IQCM: variants seen among roughly 807,000 people sequenced by gnomAD.
IQCM encodes the protein IQ domain-containing protein M.
In IQCM, 45 loss-of-function variants were observed where a neutral mutation model predicts 57.6. The ratio of observed to expected loss-of-function variants is 0.78; its 90% CI spans 0.62 to 1.00. IQCM has a LOEUF of 1.00. IQCM is among the 50% of genes least tolerant of loss of function. IQCM has a pLI of 0.00. For missense variants in IQCM, 468 were observed against 511.6 expected, an observed-to-expected ratio of 0.91 and a Z score of 0.82; for synonymous variants, 148 against 158.9, an observed-to-expected ratio of 0.93 and a Z score of 0.51.
chr4:149,573,232 G>A (rs1751331181), intron 9 of IQCM, among the ~76,000 whole-genome samples: 1 of 150,790 alleles, frequency 6.6e-6, no homozygotes, highest in African/African-American at 2.4e-5. Context: ...TTTTAAAAAT[G>A]TATATATTTA....
intron 5 of IQCM, among the ~76,000 whole-genome samples, chr4:149,716,742 T>TA (rs1030575053): frequency 1.3e-5 from 2 of 152,190 alleles, no homozygotes; most frequent in African/African-American, 4.8e-5. Flanking sequence ...CCCAGTTTGG[T>TA]AAATGACAAC....
chr4:149,753,162 A>T (rs779747826), intron 2 of IQCM, among the ~76,000 whole-genome samples: 1 of 152,204 alleles, frequency 6.6e-6, no homozygotes, highest in Non-Finnish European at 1.5e-5. Context: ...ATTATTTAAC[A>T]TATGTCCAAA....
At chr4:149,380,012 G>GT (rs1275851146) in intron 13 of IQCM, among the ~76,000 whole-genome samples, 11 of 152,162 alleles carry the variant, frequency 7.2e-5, no homozygotes, top group East Asian at 3.9e-4. Flanking sequence ...CTTTCGCTTG[G>GT]TTTTCATTCT....
intron 9 of IQCM, among the ~76,000 whole-genome samples, chr4:149,580,941 G>A (rs1752120575): frequency 1.3e-5 from 2 of 151,626 alleles, no homozygotes; most frequent in African/African-American, 4.8e-5. Flanking sequence ...CTATTCTAAT[G>A]TTGAAGATAC....
intron 12 of IQCM, among the ~76,000 whole-genome samples, chr4:149,518,663 G>A (rs1392837746): frequency 2.0e-5 from 3 of 152,182 alleles, no homozygotes; most frequent in Non-Finnish European, 2.9e-5. Flanking sequence ...TAATTCAATG[G>A]TGTGAAACAA....
chr4:149,516,612 T>C (rs909326731), intron 12 of IQCM, among the ~76,000 whole-genome samples: 3 of 152,162 alleles, frequency 2.0e-5, no homozygotes, highest in Non-Finnish European at 4.4e-5. Flanking sequence ...GTGTTCAATA[T>C]ATGGCACTGT....
chr4:149,400,883 A>C (rs1292441591), intron 13 of IQCM, among the ~76,000 whole-genome samples: 1 of 151,914 alleles, frequency 6.6e-6, no homozygotes, highest in Non-Finnish European at 1.5e-5. Flanking sequence ...GTATAGACTA[A>C]TTCTTATGAC....
At chr4:149,585,504 TCA>T (rs1752572161) in intron 9 of IQCM, among the ~76,000 whole-genome samples, 1 of 151,720 alleles carries the variant, frequency 6.6e-6, no homozygotes, top group African/African-American at 2.4e-5. Context: ...ATATAAAATC[TCA>T]CATATATACA....
chr4:149,602,634 A>G (rs534916856), intron 8 of IQCM, among the ~76,000 whole-genome samples: 1 of 152,166 alleles, frequency 6.6e-6, no homozygotes, highest in Admixed American at 6.5e-5. Context: ...TCATTTATGT[A>G]ATATTTCATG....
chr4:149,550,703 A>T (rs912355952), intron 11 of IQCM, among the ~76,000 whole-genome samples: 11 of 152,190 alleles, frequency 7.2e-5, no homozygotes, highest in African/African-American at 2.7e-4. Flanking sequence ...AAGATGCTTA[A>T]AAAGTGTATA....
At chr4:149,669,291 T>C (rs550954720) in intron 7 of IQCM, among the ~76,000 whole-genome samples, 1 of 152,302 alleles carries the variant, frequency 6.6e-6, no homozygotes, top group East Asian at 1.9e-4. Context: ...TCGAGAAGTG[T>C]CTATTCATAT....
At chr4:149,662,740 T>C (rs1273565889) in intron 7 of IQCM, among the ~76,000 whole-genome samples, 3 of 152,030 alleles carry the variant, frequency 2.0e-5, no homozygotes, top group African/African-American at 7.2e-5. Context: ...AGTTTTGTTT[T>C]CCATTTTCAA....
At chr4:149,364,544 T>G (rs1213024712) in intron 13 of IQCM, among the ~76,000 whole-genome samples, 3 of 152,106 alleles carry the variant, frequency 2.0e-5, no homozygotes, top group Non-Finnish European at 2.9e-5. Flanking sequence ...GGTGGCATGA[T>G]TTATGCCACA....
intron 2 of IQCM, among the ~76,000 whole-genome samples, 157 bp downstream of exon 2, chr4:149,815,154 T>G (rs1774933051): frequency 6.6e-6 from 1 of 151,958 alleles, no homozygotes; most frequent in South Asian, 2.1e-4. Flanking sequence ...AGGAAAATTT[T>G]AAGTAGCCCA....
intron 13 of IQCM, among the ~76,000 whole-genome samples, chr4:149,403,919 ATTAG>A (rs1310489444): frequency 7.2e-5 from 11 of 152,062 alleles, no homozygotes; most frequent in African/African-American, 1.7e-4. Context: ...TAAAGAGTGA[ATTAG>A]TTAGGAAGTA....
chr4:149,369,107 C>T (rs1403412283), intron 13 of IQCM, among the ~76,000 whole-genome samples: 26 of 146,804 alleles, frequency 1.8e-4, no homozygotes, highest in Non-Finnish European at 3.0e-5. Context: ...TGCAATGGCA[C>T]GATCTCAGCT....
intron 13 of IQCM, among the ~76,000 whole-genome samples, chr4:149,415,560 T>C (rs879285022): frequency 7.7e-4 from 117 of 152,244 alleles, no homozygotes; most frequent in Non-Finnish European, 1.5e-3. Flanking sequence ...TTGTGGCTCC[T>C]GCTTTTTTTT....
At chr4:149,720,898 C>G (rs1448048114) in intron 5 of IQCM, among the ~76,000 whole-genome samples, 1 of 152,172 alleles carries the variant, frequency 6.6e-6, no homozygotes, top group African/African-American at 2.4e-5. Context: ...TATTCTGTGA[C>G]ACCAAACTCA....
chr4:149,460,118 G>A (rs2149708570), intron 12 of IQCM, among the ~76,000 whole-genome samples: 1 of 152,238 alleles, frequency 6.6e-6, no homozygotes, highest in Admixed American at 6.5e-5. Context: ...CCATCCTAAT[G>A]TGTATGAAGT....
Sources: gnomAD v4.1 joint callset for allele counts (sites outside exome capture counted in the v4.1 genomes callset) on GRCh38, gnomAD v4.1.1 for gene constraint, MANE v1.5 for transcripts, NCBI Gene and HGNC (gene_info 2026-07-23, HGNC 2026-07-21) for gene names.